Variants in NIPA1 observed in about 807,000 individuals in gnomAD.
NIPA1 encodes the protein magnesium transporter NIPA1.
In NIPA1, 13 loss-of-function variants were observed where a neutral mutation model predicts 23.9. That is an observed-to-expected ratio of 0.54 (90% CI 0.35 to 0.87). The LOEUF (loss-of-function observed/expected upper bound fraction) is 0.87. Among genes scored for constraint, NIPA1 ranks in the 40% least tolerant of loss-of-function variants. The probability of loss-of-function intolerance (pLI) is 0.01; values close to 1 mark genes in which losing one functional copy is unlikely to be tolerated. For synonymous variants in NIPA1, 234 were observed against 202.9 expected, an observed-to-expected ratio of 1.15 and a Z score of -1.30; for missense variants, 362 against 429.7, an observed-to-expected ratio of 0.84 and a Z score of 1.39.
chr15:22,790,972 T>A (rs1894812481), intron 1 of NIPA1, among the ~76,000 whole-genome samples: 1 of 152,178 alleles, frequency 6.6e-6, no homozygotes, highest in Non-Finnish European at 1.5e-5. Flanking sequence ...TTTTAAGCTT[T>A]AAAAATTTTT....
chr15:22,788,177 A>G (rs1217292711), intron 1 of NIPA1, among the ~76,000 whole-genome samples: 4 of 152,076 alleles, frequency 2.6e-5, no homozygotes, highest in Admixed American at 1.3e-4. Flanking sequence ...TAGCGTAAGC[A>G]TGAGGAAAAC....
chr15:22,792,236 T>C (rs1894843304), intron 1 of NIPA1, among the ~76,000 whole-genome samples: 2 of 152,050 alleles, frequency 1.3e-5, no homozygotes, highest in Non-Finnish European at 2.9e-5. Flanking sequence ...CCTGGGTGGG[T>C]GAGGATGGGC....
At chr15:22,808,343 C>G (rs557507877) in intron 1 of NIPA1, among the ~76,000 whole-genome samples, 1 of 152,196 alleles carries the variant, frequency 6.6e-6, no homozygotes, top group Non-Finnish European at 1.5e-5. Context: ...CACCCTGGGT[C>G]CTGTTTGTAT....
chr15:22,801,416 A>T (rs10400835), intron 1 of NIPA1, among the ~76,000 whole-genome samples: 2,030 of 151,076 alleles, frequency 0.013, 43 homozygotes, highest in African/African-American at 0.046. Flanking sequence ...AGTGTTGATC[A>T]CTGTGGTGGG....
intron 2 of NIPA1, 36 bp downstream of exon 2, chr15:22,810,832 T>C: frequency 6.5e-7 from 1 of 1,540,160 alleles, no homozygotes; most frequent in Non-Finnish European, 9.0e-7. Flanking sequence ...GGTCTTTTCC[T>C]TTCTTAGAAT....
intron 1 of NIPA1, among the ~76,000 whole-genome samples, chr15:22,796,128 T>G (rs1325281162): frequency 6.6e-6 from 1 of 151,868 alleles, no homozygotes; most frequent in Non-Finnish European, 1.5e-5. Context: ...TGCTATGTTG[T>G]CCAGGCTGGT....
chr15:22,812,471 G>C (rs1402253187), intron 3 of NIPA1, among the ~76,000 whole-genome samples: 1 of 152,094 alleles, frequency 6.6e-6, no homozygotes, highest in Non-Finnish European at 1.5e-5. Context: ...GGCCAACATG[G>C]TGAAACCCTG....
At chr15:22,809,890 A>C (rs1299866107) in intron 1 of NIPA1, among the ~76,000 whole-genome samples, 1 of 152,114 alleles carries the variant, frequency 6.6e-6, no homozygotes, top group Non-Finnish European at 1.5e-5. Flanking sequence ...AAAAAAATAC[A>C]AAATTAGCTG....
At chr15:22,795,939 A>T (rs1019652833) in intron 1 of NIPA1, among the ~76,000 whole-genome samples, 1 of 148,840 alleles carries the variant, frequency 6.7e-6, no homozygotes, top group African/African-American at 2.5e-5. Context: ...CAGATAAGGC[A>T]TTTTTTTTTT....
At chr15:22,816,329 C>T (rs1052221475) in intron 3 of NIPA1, among the ~76,000 whole-genome samples, 1 of 150,370 alleles carries the variant, frequency 6.7e-6, no homozygotes, top group African/African-American at 2.4e-5. Context: ...GCTGGGACTA[C>T]AGGCGCGTAC....
rs1201070918 is a variant in NIPA1 at position 22,824,779 on chromosome 15, C to T, written c.*540C>T. On this transcript the variant is annotated 3_prime_UTR_variant, in exon 5 of 5. Coordinates refer to ENST00000337435, the MANE Select transcript of NIPA1 (RefSeq NM_144599.5). The surrounding 1 kb of genome is among the most constrained non-coding windows in gnomAD (Gnocchi z 4.1). Reference sequence around the variant, plus strand: ...TTAATCCTCTGACAAGTTGACTCTTCGACCCCCACCCCCACCCAAGACATT... The same window carrying T: ...TTAATCCTCTGACAAGTTGACTCTTTGACCCCCACCCCCACCCAAGACATT... 2 of 156,028 alleles carry T rather than the reference C, an allele frequency of 1.3e-5. No individual in the cohort carries two copies. Among genetic ancestry groups the T allele is most frequent in the South Asian group, 1.9e-4 (1 of 5,158 alleles). 9.7% of individuals were successfully genotyped at this position (156,028 alleles called of 1,614,324 possible).
intron 2 of NIPA1, among the ~76,000 whole-genome samples, chr15:22,811,852 T>C (rs1387233194): frequency 6.6e-6 from 1 of 152,276 alleles, no homozygotes; most frequent in East Asian, 1.9e-4. Context: ...TTCTGCCTGA[T>C]TTGTGTGAAA....
chr15:22,818,122 A>T (rs1164880829), intron 3 of NIPA1, among the ~76,000 whole-genome samples: 1 of 152,208 alleles, frequency 6.6e-6, no homozygotes, highest in African/African-American at 2.4e-5. Context: ...TATATATCTG[A>T]TAAGGGACTT....
chr15:22,789,856 G>A (rs139793252), intron 1 of NIPA1, among the ~76,000 whole-genome samples: 3 of 152,014 alleles, frequency 2.0e-5, no homozygotes, highest in African/African-American at 7.3e-5. Flanking sequence ...GTGCAGTGGC[G>A]CGATCTTGGC....
intron 1 of NIPA1, among the ~76,000 whole-genome samples, chr15:22,801,794 C>T (rs1245764420): frequency 5.3e-5 from 8 of 151,980 alleles, no homozygotes; most frequent in African/African-American, 1.9e-4. Context: ...GGATTACAGG[C>T]GTGAGCCACT....
intron 2 of NIPA1, 57 bp from the exon 3 acceptor site, chr15:22,812,106 C>T: frequency 8.0e-7 from 1 of 1,248,956 alleles, no homozygotes; most frequent in African/African-American, 1.5e-5. Flanking sequence ...CAACTGTGAT[C>T]AGTGCTGGAA....
At chr15:22,787,047 A>C (rs528550999) in intron 1 of NIPA1, among the ~76,000 whole-genome samples, 400 of 151,870 alleles carry the variant, frequency 2.6e-3, no homozygotes, top group African/African-American at 8.9e-3. Context: ...CCCAGGAATC[A>C]CAGGTGCGTC....
In NIPA1 at chr15:22,801,220, G is replaced by A. The variant is rs535112709; in HGVS notation, c.179-9529G>A. Among the ~76,000 whole-genome samples the A allele has an allele frequency of 2.7e-3, 418 of 152,226 alleles. 1 individual carries two copies. Among genetic ancestry groups the A allele is most frequent in the Non-Finnish European group, 4.1e-3 (281 of 68,018 alleles). ...TATTCAGGGCTGCATGAATGTTACC[G>A]TTCTACTTTTACAGGGCATGGACAT... is the stretch of plus-strand genomic sequence containing the variant. On this transcript the variant is annotated intron_variant, in intron 1 of 4. Transcript: ENST00000337435.
intron 1 of NIPA1, among the ~76,000 whole-genome samples, chr15:22,799,887 G>A (rs972916185): frequency 2.1e-5 from 3 of 144,784 alleles, no homozygotes; most frequent in African/African-American, 7.9e-5. Flanking sequence ...GAGGCTTCAG[G>A]GAGCCAAGAT....
Sources: allele counts gnomAD v4.1 joint callset (sites outside exome capture counted in the v4.1 genomes callset), GRCh38; gene constraint gnomAD v4.1.1; non-coding constraint Gnocchi (gnomAD v3.1); transcripts MANE v1.5; gene names NCBI Gene and HGNC (gene_info 2026-07-23, HGNC 2026-07-21).